Variants in FAM124A observed in about 807,000 individuals in gnomAD.
FAM124A encodes the protein family with sequence similarity 124 member A.
Under a neutral mutation model 24.5 loss-of-function variants are expected in FAM124A, and 23 were observed. That is an observed-to-expected ratio of 0.94 (90% CI 0.68 to 1.33). The LOEUF is 1.33. FAM124A is among the 40% of genes most tolerant of loss of function. FAM124A has a pLI of 0.00. For synonymous variants in FAM124A, 287 were observed against 314.7 expected (o/e 0.91, Z 0.93); for missense variants, 623 against 722.8 (o/e 0.86, Z 1.58).
intron 2 of FAM124A, chr13:51,245,338 T>C (rs1285954797): frequency 1.7e-5 from 12 of 692,528 alleles, no homozygotes; most frequent in Non-Finnish European, 3.2e-5. Flanking sequence ...GCGGATGCCA[T>C]GTTGCCTGTT....
Position 51,272,582 on chromosome 13 carries a change from C to CACAT in FAM124A, c.835-7865_835-7864insTACA, listed in dbSNP as rs1954849333. ...AAAGCCTTATACACACACACACACA[C>CACAT]ACACACACACACCAGTTGAACCACC... is the stretch of plus-strand genomic sequence containing the variant. On this transcript the variant is annotated intron_variant, in intron 3 of 3. Coordinates refer to ENST00000322475, the MANE Select transcript of FAM124A (RefSeq NM_001242312.2). The surrounding 1 kb of genome is among the most constrained non-coding windows in gnomAD (Gnocchi z 4.2). Among the ~76,000 whole-genome samples the CACAT allele has an allele frequency of 6.6e-6, 1 of 151,846 alleles. No homozygotes were observed. The highest frequency in any genetic ancestry group is 2.4e-5 in the African/African-American group (1 of 41,268).
chr13:51,246,119 G>A (rs575617694), intron 2 of FAM124A, among the ~76,000 whole-genome samples: 21 of 152,196 alleles, frequency 1.4e-4, no homozygotes, highest in Non-Finnish European at 2.9e-4. Context: ...TGTTAATGGT[G>A]TGCTAGCAGC....
At chr13:51,250,829 CTG>C (rs1168027976) in intron 2 of FAM124A, among the ~76,000 whole-genome samples, 3 of 152,256 alleles carry the variant, frequency 2.0e-5, no homozygotes, top group Non-Finnish European at 4.4e-5. Flanking sequence ...ATAGGGGACA[CTG>C]TGGGCAGGAC....
At position 51,251,630 on chromosome 13, in the gene FAM124A, G is replaced by T; in HGVS notation, c.263G>T (p.Arg88Leu). 1 of 1,557,408 alleles carries T rather than the reference G, an allele frequency of 6.4e-7. No homozygotes were observed. Among genetic ancestry groups the T allele is most frequent in the Non-Finnish European group, 8.7e-7 (1 of 1,149,262 alleles). ...CGGGTGTCCGAGAGGCGGGCGTCCC[G>T]GCGGCGGCGGAAGCCCCCCAAGGGC... ...LFRVSERRAS[R>L]RRRKPPKGAQ... is the part of the protein sequence containing the mutation. The change falls in exon 3 of 4, where the codon CGG (arginine) becomes CTG (leucine). Residue 88 changes from arginine (R) to leucine (L), a missense_variant. Physicochemically the swap from Arg to Leu is moderately radical, Grantham distance 102 (BLOSUM62 -2). Transcript: ENST00000322475. This position sits in a 1 kb window ranked among gnomAD's most constrained non-coding sequence, Gnocchi z 5.3.
chr13:51,243,290 C>G (rs1954520006), intron 2 of FAM124A, among the ~76,000 whole-genome samples: 1 of 152,114 alleles, frequency 6.6e-6, no homozygotes, highest in Non-Finnish European at 1.5e-5. Context: ...TTCATTAGTT[C>G]AAAGTTTCAA....
At position 51,224,839 on chromosome 13, in the gene FAM124A, T is replaced by C. The variant is rs1954300789; in HGVS notation, c.68+2270T>C. Among the ~76,000 whole-genome samples the C allele has an allele frequency of 3.3e-5, 5 of 152,138 alleles. No individual in the cohort carries two copies. In the South Asian group the frequency reaches 1.0e-3, roughly 32 times the overall value. On this transcript the variant is annotated intron_variant, in intron 1 of 3. Transcript: ENST00000322475. ...GCCCTGACTCCTGTTATGGAGTCCC[T>C]TCTTCCCTCCCTGGCCTTGTTTCTC...
At chr13:51,228,015 T>C (rs1337766473) in intron 1 of FAM124A, among the ~76,000 whole-genome samples, 1 of 152,184 alleles carries the variant, frequency 6.6e-6, no homozygotes, top group Non-Finnish European at 1.5e-5. Flanking sequence ...TAGTACTTTG[T>C]TATCTTTGTA....
Position 51,256,963 on chromosome 13 carries a change from T to C in FAM124A, c.834+4762T>C, listed in dbSNP as rs967486029. ...TATTTGTCTTTCTGTTATTGGCTTA[T>C]TTCACTTGGCATAATGTCCTCAAGG... On this transcript the variant is annotated intron_variant, in intron 3 of 3. Transcript: ENST00000322475. Among the ~76,000 whole-genome samples, 6 of 152,242 alleles carry C rather than the reference T, an allele frequency of 3.9e-5. No individual in the cohort carries two copies. The East Asian group carries it at 1.2e-3, about 29-fold the overall frequency.
At chr13:51,254,697 A>T (rs1327797913) in intron 3 of FAM124A, among the ~76,000 whole-genome samples, 2 of 152,132 alleles carry the variant, frequency 1.3e-5, no homozygotes, top group Non-Finnish European at 2.9e-5. Context: ...ATTTTGTAGA[A>T]ATTTGCACTG....
In FAM124A at chr13:51,283,313, T is replaced by A. The variant is rs1288797693; in HGVS notation, c.*2057T>A. 2 of 152,206 alleles carry A rather than the reference T, an allele frequency of 1.3e-5. No individual in the cohort carries two copies. The highest frequency in any genetic ancestry group is 2.9e-5 in the Non-Finnish European group (2 of 68,048). 9.4% of individuals were successfully genotyped at this position (152,206 alleles called of 1,614,324 possible). On this transcript the variant is annotated 3_prime_UTR_variant, in exon 4 of 4. Transcript: ENST00000322475. ...ACCTTGGCCTCCCAAAGCACTGGGATTACAGGCATGAGCCACCATTCCCAG... is the reference window on the plus strand; with the variant it reads ...ACCTTGGCCTCCCAAAGCACTGGGAATACAGGCATGAGCCACCATTCCCAG...
At chr13:51,222,635 G>A (rs893023453) in intron 1 of FAM124A, 66 bp downstream of exon 1, 14 of 1,199,670 alleles carry the variant, frequency 1.2e-5, no homozygotes, top group African/African-American at 9.5e-5. Context: ...GCTCCTCCCC[G>A]GACGGGGACC....
chr13:51,231,291 G>C lies in FAM124A; in HGVS notation c.69-57G>C, dbSNP rs900832761. On this transcript the variant is annotated intron_variant, in intron 1 of 3. Transcript: ENST00000322475. ...TTACCACTGACTGTTTAAAATTCTG[G>C]CTTGAATAAATCATTTGGATAAAGA... 4.4e-6 allele frequency: 7 copies of C among 1,603,918 alleles called. No individual in the cohort carries two copies. In the African/African-American group the frequency reaches 9.4e-5, roughly 21 times the overall value.
intron 3 of FAM124A, among the ~76,000 whole-genome samples, chr13:51,265,862 G>A (rs1954780065): frequency 6.6e-6 from 1 of 152,156 alleles, no homozygotes. Context: ...TGCTTGATTG[G>A]TTGATAGGAA....
At chr13:51,247,000 C>T (rs1477150949) in intron 2 of FAM124A, among the ~76,000 whole-genome samples, 4 of 152,210 alleles carry the variant, frequency 2.6e-5, no homozygotes, top group African/African-American at 9.6e-5. Context: ...GAGTTGCCCT[C>T]GAGGGCACTG....
At chr13:51,233,765 G>C (rs542988806) in intron 2 of FAM124A, among the ~76,000 whole-genome samples, 2 of 152,224 alleles carry the variant, frequency 1.3e-5, no homozygotes, top group Non-Finnish European at 2.9e-5. Flanking sequence ...ATCCTTTAAA[G>C]TATCAATTTG....
intron 2 of FAM124A, 82 bp downstream of exon 2, chr13:51,231,461 GT>G (rs1954376653): frequency 1.4e-6 from 2 of 1,420,590 alleles, no homozygotes; most frequent in East Asian, 2.4e-5. Flanking sequence ...TGTGTACATG[GT>G]TTTATAGTAG....
chr13:51,281,404 G>A lies in FAM124A; in HGVS notation c.*148G>A, dbSNP rs1011838081. ...ATTTGCCTACCACCCACTCTTAGCTGGGGGGTGGTATATCTCTAGAGACAC... is the reference window on the plus strand; with the variant it reads ...ATTTGCCTACCACCCACTCTTAGCTAGGGGGTGGTATATCTCTAGAGACAC... On this transcript the variant is annotated 3_prime_UTR_variant, in exon 4 of 4. Transcript: ENST00000322475. 3 of 665,196 alleles carry A rather than the reference G, an allele frequency of 4.5e-6. No individual in the cohort carries two copies. Among genetic ancestry groups the A allele is most frequent in the African/African-American group, 3.7e-5 (2 of 54,174 alleles). The allele number at this position is 665,196 out of a possible 1,614,324, so 41.2% of individuals were successfully genotyped here. A position where few individuals can be genotyped will look rare whatever the true frequency, so the allele number is the denominator to read the frequency against.
At chr13:51,239,096 G>A (rs1307110453) in intron 2 of FAM124A, among the ~76,000 whole-genome samples, 1 of 152,072 alleles carries the variant, frequency 6.6e-6, no homozygotes, top group African/African-American at 2.4e-5. Flanking sequence ...GGTACTTCAG[G>A]GATATCTGGT....
intron 2 of FAM124A, among the ~76,000 whole-genome samples, chr13:51,233,217 A>G (rs1183614988): frequency 2.0e-5 from 3 of 151,892 alleles, no homozygotes; most frequent in Non-Finnish European, 4.4e-5. Context: ...TCCTTTTGTC[A>G]TCTGACTACA....
Sources: gnomAD v4.1 joint callset for allele counts (sites outside exome capture counted in the v4.1 genomes callset) on GRCh38, gnomAD v4.1.1 for gene constraint, Gnocchi (gnomAD v3.1) non-coding constraint, MANE v1.5 for transcripts, NCBI Gene and HGNC (gene_info 2026-07-23, HGNC 2026-07-21) for gene names.